EIF2B3: variants seen among roughly 807,000 people sequenced by gnomAD.
EIF2B3 encodes the protein translation initiation factor eIF2B subunit gamma.
A neutral mutation model predicts 54.1 loss-of-function variants in EIF2B3; 20 were observed. That is an observed-to-expected ratio of 0.37 (90% CI 0.26 to 0.54). The LOEUF (loss-of-function observed/expected upper bound fraction) is 0.54, where lower values mean the gene tolerates loss of function less well. Among genes scored for constraint, EIF2B3 ranks in the 20% least tolerant of loss-of-function variants. EIF2B3 has a pLI of 0.86. For missense variants in EIF2B3, 448 were observed against 547.8 expected (o/e 0.82, Z 1.82); for synonymous variants, 153 against 188.1 (o/e 0.81, Z 1.52).
chr1:44,950,992 A>AT (rs997624652), intron 3 of EIF2B3, among the ~76,000 whole-genome samples: 1 of 152,234 alleles, frequency 6.6e-6, no homozygotes, highest in Non-Finnish European at 1.5e-5. Flanking sequence ...CCTGACCAGT[A>AT]TGAGTTTTTT....
Position 44,857,748 on chromosome 1 carries a change from A to G in EIF2B3, c.1262T>C (p.Ile421Thr). ...GCCACTTCCAATCAAGCAGTCCTTG[A>G]TGTCTGCACCCTTCTCGATCACAGC... ...NNAVIEKGADIKDCLIGSGQR... is the reference protein window; with the variant it reads ...NNAVIEKGADTKDCLIGSGQR... The change falls in exon 11 of 12, where the codon ATC becomes ACC. Residue 421 changes from isoleucine (I) to threonine (T), a missense_variant. Transcript: ENST00000360403. The G allele has an allele frequency of 6.2e-7, 1 of 1,614,112 alleles. No individual in the cohort carries two copies. The highest frequency in any genetic ancestry group is 8.5e-7 in the Non-Finnish European group (1 of 1,180,006).
intron 3 of EIF2B3, among the ~76,000 whole-genome samples, chr1:44,969,636 C>A (rs984241498): frequency 6.6e-6 from 1 of 151,962 alleles, no homozygotes. Flanking sequence ...TGGGAGAAAG[C>A]AAGTTGGGTA....
At chr1:44,877,206 A>C (rs71653932) in intron 8 of EIF2B3, among the ~76,000 whole-genome samples, 26,744 of 145,376 alleles carry the variant, frequency 0.18, 3,450 homozygotes, top group Admixed American at 0.28. Flanking sequence ...AAAAAAAAAA[A>C]AAAAAAAAAA....
At chr1:44,916,794 G>C (rs1227959934) in intron 5 of EIF2B3, among the ~76,000 whole-genome samples, 3 of 146,868 alleles carry the variant, frequency 2.0e-5, no homozygotes, top group African/African-American at 7.5e-5. Context: ...CCTTGAGACA[G>C]AGCAAGATTC....
At chr1:44,860,496 T>G (rs997976031) in intron 10 of EIF2B3, among the ~76,000 whole-genome samples, 1 of 152,184 alleles carries the variant, frequency 6.6e-6, no homozygotes, top group Non-Finnish European at 1.5e-5. Context: ...TTATCTCTGA[T>G]GCACTAAAAA....
chr1:44,939,120 A>G (rs1204373083), intron 4 of EIF2B3, among the ~76,000 whole-genome samples: 3 of 151,330 alleles, frequency 2.0e-5, no homozygotes, highest in Non-Finnish European at 4.4e-5. Flanking sequence ...AAAAAAAAAA[A>G]AAAAAAGAAA....
At chr1:44,890,171 T>C (rs1461955328) in intron 6 of EIF2B3, among the ~76,000 whole-genome samples, 3 of 152,204 alleles carry the variant, frequency 2.0e-5, no homozygotes, top group Admixed American at 6.5e-5. Flanking sequence ...CAGGATCTGA[T>C]ATAAAAACGG....
Position 44,874,714 on chromosome 1 carries a change from T to C in EIF2B3, c.1166A>G (p.Asn389Ser), listed in dbSNP as rs745323934. ...CLIKDRVTIT[N>S]CLLMNSVTVE... Reference sequence around the variant, plus strand: ...AGTGACTGAGTTCATGAGAAGGCAATTGGTAATAGTCACTCTATCTTTTAT... The same window carrying C: ...AGTGACTGAGTTCATGAGAAGGCAACTGGTAATAGTCACTCTATCTTTTAT... The change falls in exon 10 of 12, where the codon AAT (asparagine) becomes AGT (serine). Residue 389 changes from asparagine (N) to serine (S), a missense_variant. Transcript: ENST00000360403. 1.1e-5 allele frequency: 17 copies of C among 1,614,144 alleles called. No homozygotes were observed. In the South Asian group the frequency reaches 1.6e-4, roughly 16 times the overall value.
intron 8 of EIF2B3, among the ~76,000 whole-genome samples, chr1:44,877,351 T>G (rs1655228986): frequency 1.3e-5 from 2 of 152,070 alleles, no homozygotes; most frequent in Non-Finnish European, 2.9e-5. Flanking sequence ...TGCAGCAGCT[T>G]CTAGATGGCC....
intron 3 of EIF2B3, among the ~76,000 whole-genome samples, chr1:44,954,874 T>C (rs2148950702): frequency 6.6e-6 from 1 of 152,288 alleles, no homozygotes; most frequent in East Asian, 1.9e-4. Context: ...CATAAATAGC[T>C]CTTATTATGA....
chr1:44,978,800 C>T, intron 2 of EIF2B3, among the ~76,000 whole-genome samples: 1 of 151,416 alleles, frequency 6.6e-6, no homozygotes, highest in East Asian at 2.0e-4. Flanking sequence ...CCATGCTTGG[C>T]TAATTTTTGT....
At chr1:44,851,695 AAG>A (rs1480485917) in intron 11 of EIF2B3, among the ~76,000 whole-genome samples, 1 of 152,212 alleles carries the variant, frequency 6.6e-6, no homozygotes, top group African/African-American at 2.4e-5. Context: ...GGATAAGGGT[AAG>A]AAATGAGGCT....
intron 3 of EIF2B3, among the ~76,000 whole-genome samples, chr1:44,954,799 G>T (rs1644204817): frequency 6.6e-6 from 1 of 152,104 alleles, no homozygotes; most frequent in Admixed American, 6.5e-5. Flanking sequence ...CTTGTCTTGT[G>T]CTGGTTTTCA....
Position 44,874,716 on chromosome 1 carries a change from G to C in EIF2B3, c.1164C>G (p.Thr388=). The C allele has an allele frequency of 6.2e-7, 1 of 1,614,158 alleles. No homozygotes were observed. The highest frequency in any genetic ancestry group is 1.7e-5 in the Admixed American group (1 of 60,022). ...SCLIKDRVTI[T]NCLLMNSVTV... is the part of the protein sequence containing the mutation. ...TGACTGAGTTCATGAGAAGGCAATT[G>C]GTAATAGTCACTCTATCTTTTATGA... is the stretch of plus-strand genomic sequence containing the variant. Residue 388 remains threonine (T), a synonymous_variant, in exon 10 of 12, where the codon ACC becomes ACG. Transcript: ENST00000360403.
intron 3 of EIF2B3, among the ~76,000 whole-genome samples, chr1:44,971,860 G>A (rs567261579): frequency 1.3e-4 from 19 of 151,824 alleles, no homozygotes; most frequent in African/African-American, 4.3e-4. Context: ...GTGAAACCCC[G>A]TCTCTATACT....
intron 3 of EIF2B3, among the ~76,000 whole-genome samples, chr1:44,962,616 T>A (rs1048371241): frequency 1.3e-5 from 2 of 152,106 alleles, no homozygotes; most frequent in Non-Finnish European, 2.9e-5. Flanking sequence ...AGTCTCACCA[T>A]CTTGCCCAGG....
intron 5 of EIF2B3, among the ~76,000 whole-genome samples, chr1:44,910,631 CTTTT>C (rs60757270): frequency 3.3e-5 from 2 of 61,412 alleles, no homozygotes; most frequent in Non-Finnish European, 6.2e-5. Flanking sequence ...CCAAGTAATG[CTTTT>C]TTTTTTTTTT....
chr1:44,963,034 G>A (rs1557707019), intron 3 of EIF2B3, among the ~76,000 whole-genome samples: 1 of 151,898 alleles, frequency 6.6e-6, no homozygotes, highest in East Asian at 2.0e-4. Flanking sequence ...TCGAGCCTGG[G>A]CACCATGGCA....
At chr1:44,924,700 T>C (rs1643818963) in intron 5 of EIF2B3, among the ~76,000 whole-genome samples, 2 of 152,208 alleles carry the variant, frequency 1.3e-5, no homozygotes, top group South Asian at 4.1e-4. Flanking sequence ...CTCTTTTTTT[T>C]GGTTCTATAA....
Sources: gnomAD v4.1 joint callset for allele counts (sites outside exome capture counted in the v4.1 genomes callset) on GRCh38, gnomAD v4.1.1 for gene constraint, MANE v1.5 for transcripts, NCBI Gene and HGNC (gene_info 2026-07-23, HGNC 2026-07-21) for gene names.